The following ADCK5 variants were observed in gnomAD, a reference collection of about 807,000 sequenced individuals.
The protein encoded by ADCK5 is uncharacterized aarF domain-containing protein kinase 5.
Under a neutral mutation model 64.9 loss-of-function variants are expected in ADCK5, and 43 were observed. That is an observed-to-expected ratio of 0.66 (90% CI 0.52 to 0.85). The LOEUF (loss-of-function observed/expected upper bound fraction) is 0.85, where lower values mean the gene tolerates loss of function less well. Ranked by LOEUF, ADCK5 falls within the 40% of genes least tolerant of loss-of-function variation. The pLI is 0.00. For missense variants in ADCK5, 760 were observed against 810.5 expected, an observed-to-expected ratio of 0.94 and a Z score of 0.76; for synonymous variants, 434 against 342.8, an observed-to-expected ratio of 1.27 and a Z score of -2.94.
intron 1 of ADCK5, among the ~76,000 whole-genome samples, chr8:144,375,858 C>A (rs1819341888): frequency 6.6e-6 from 1 of 152,208 alleles, no homozygotes. Context: ...CCAGGGCCGT[C>A]TCAGGTGTGT....
At chr8:144,389,871 C>T (rs373059366) in intron 3 of ADCK5, among the ~76,000 whole-genome samples, 2 of 151,140 alleles carry the variant, frequency 1.3e-5, no homozygotes, top group African/African-American at 4.9e-5. Context: ...TCTTGTTGCC[C>T]AGGCTGGAGT....
Position 144,391,158 on chromosome 8 carries a change from T to C in ADCK5, c.568T>C (p.Phe190Leu). 1.2e-6 allele frequency: 2 copies of C among 1,611,352 alleles called. No individual in the cohort carries two copies. The highest frequency in any genetic ancestry group is 8.5e-7 in the Non-Finnish European group (1 of 1,179,916). Reference protein sequence around the residue: ...QEVDELFLEDFQALPHELFQE... With the variant: ...QEVDELFLEDLQALPHELFQE... ...GGTGGATGAGTTGTTCCTTGAGGAC[T>C]TCCAGGCCCTCCCCCACGAGCTCTT... is the stretch of plus-strand genomic sequence containing the variant. Residue 190 changes from phenylalanine to leucine, a missense_variant, in exon 6 of 15, where the codon TTC (phenylalanine) becomes CTC (leucine). Phe to Leu is a conservative substitution (Grantham distance 22). Coordinates refer to ENST00000308860, the MANE Select transcript of ADCK5 (RefSeq NM_174922.5).
intron 2 of ADCK5, among the ~76,000 whole-genome samples, chr8:144,382,282 T>C (rs1441158249): frequency 6.6e-6 from 1 of 152,258 alleles, no homozygotes; most frequent in Non-Finnish European, 1.5e-5. Flanking sequence ...CTCAGGATTA[T>C]GGGCCGGGTG....
intron 1 of ADCK5, among the ~76,000 whole-genome samples, chr8:144,375,988 C>G (rs1554857107): frequency 6.6e-6 from 1 of 152,168 alleles, no homozygotes; most frequent in East Asian, 1.9e-4. Context: ...GGATTGGGCT[C>G]TGGGAAGTCC....
chr8:144,391,867 G>A lies in ADCK5; in HGVS notation c.1014+1G>A, dbSNP rs1003920382. 1.3e-6 allele frequency: 2 copies of A among 1,550,340 alleles called. No individual in the cohort carries two copies. The highest frequency in any genetic ancestry group is 1.8e-5 in the Admixed American group (1 of 54,490). On this transcript the variant is annotated splice_donor_variant, in intron 9 of 14. Coordinates refer to ENST00000308860, the MANE Select transcript of ADCK5 (RefSeq NM_174922.5). LOFTEE classifies it high-confidence loss of function. ...GAGCCAGGGGCTGGCAGTGCATGACGTGAGTGCGGGGGGGCGGGGGCGGGT... is the reference window on the plus strand; with the variant it reads ...GAGCCAGGGGCTGGCAGTGCATGACATGAGTGCGGGGGGGCGGGGGCGGGT...
rs1446342775 is a variant in ADCK5 at position 144,392,176 on chromosome 8, C to T, written c.1175+6C>T. The stretch of plus-strand genomic sequence containing the variant: ...TACCAGTTCCTGGAGGAGAAGTGAG[C>T]GCGGGTGGGTGGGCGTGGGGCAGGG... On this transcript the variant is annotated splice_donor_region_variant and intron_variant, in intron 11 of 14. Transcript: ENST00000308860. 7 of 680,276 alleles carry T rather than the reference C, an allele frequency of 1.0e-5. No homozygotes were observed. The highest frequency in any genetic ancestry group is 6.3e-5 in the East Asian group (1 of 15,916). 42.1% of individuals were successfully genotyped at this position (680,276 alleles called of 1,614,324 possible).
At chr8:144,388,784 C>G (rs888960469) in intron 3 of ADCK5, among the ~76,000 whole-genome samples, 1 of 151,804 alleles carries the variant, frequency 6.6e-6, no homozygotes, top group African/African-American at 2.4e-5. Context: ...AAAAAGAAAC[C>G]GAAACCCTGG....
chr8:144,390,903 G>C lies in ADCK5; in HGVS notation c.390G>C (p.Ala130=). 1.2e-6 allele frequency: 2 copies of C among 1,612,858 alleles called. No individual in the cohort carries two copies. Among genetic ancestry groups the C allele is most frequent in the South Asian group, 1.1e-5 (1 of 91,078 alleles). The change falls in exon 5 of 15, where the codon GCG becomes GCC. Residue 130 remains alanine (A), a synonymous_variant. Transcript: ENST00000308860. ...TGATGTCTGCGTGTCACCAGCGGGC[G>C]GCTGATGCCCTGGTGGCAGGGGCCA... ...LEVMSACHQR[A]ADALVAGAIS...
rs955164642 is a variant in ADCK5 at position 144,383,943 on chromosome 8, A to G, written c.266+713A>G. Among the ~76,000 whole-genome samples the G allele has an allele frequency of 8.1e-5, 10 of 123,394 alleles. No individual in the cohort carries two copies. The East Asian group carries it at 2.5e-3, about 31-fold the overall frequency. 81.0% of individuals were successfully genotyped at this position (123,394 alleles called of 152,430 possible). A position where few individuals can be genotyped will look rare whatever the true frequency, so the allele number is the denominator to read the frequency against. ...AGTCTCGCTCTGTCACCCAGGCTGG[A>G]GTGCAGTGGCGCAATCTCGGCTCAC... is the stretch of plus-strand genomic sequence containing the variant. On this transcript the variant is annotated intron_variant, in intron 3 of 14. Transcript: ENST00000308860.
At position 144,386,498 on chromosome 8, in the gene ADCK5, C is replaced by A. The variant is rs1032727748; in HGVS notation, c.266+3268C>A. On this transcript the variant is annotated intron_variant, in intron 3 of 14. Transcript: ENST00000308860. The stretch of plus-strand genomic sequence containing the variant: ...TTAGCCTTCTGAGTAGCTGGAATTA[C>A]AGGTGCCCACCATCACGCCCGGCTA... 2.0e-5 allele frequency among the ~76,000 whole-genome samples: 3 copies of A among 151,962 alleles called. No individual in the cohort carries two copies. In the East Asian group the frequency reaches 5.8e-4, roughly 29 times the overall value.
intron 3 of ADCK5, among the ~76,000 whole-genome samples, chr8:144,385,020 G>A (rs1296462002): frequency 2.0e-5 from 3 of 152,158 alleles, no homozygotes; most frequent in South Asian, 2.1e-4. Context: ...AAGGAGCGCG[G>A]GTGAGGAGCA....
chr8:144,381,532 A>G (rs1554858238), intron 2 of ADCK5, among the ~76,000 whole-genome samples: 624 of 30,464 alleles, frequency 0.02, 1 homozygote, highest in Middle Eastern at 0.071. Context: ...ATTATGGGCC[A>G]GGTGTAGAAA....
rs558873265 is a variant in ADCK5, at chr8:144,392,384, G to A, written c.1267+39G>A. ...GGGATGGCTGGGGCACCACAGAAGG[G>A]AGTCGGGCGGCGCGGAACCCACTCA... On this transcript the variant is annotated intron_variant, in intron 12 of 14. Transcript: ENST00000308860. 5.0e-4 allele frequency: 744 copies of A among 1,487,832 alleles called. 2 individuals are homozygous for A. The African/African-American group carries it at 8.7e-3, about 17-fold the overall frequency. 92.2% of individuals were successfully genotyped at this position (1,487,832 alleles called of 1,614,324 possible).
chr8:144,392,875 G>A lies in ADCK5; in HGVS notation c.1620G>A (p.Lys540=). 1 of 1,601,742 alleles carries A rather than the reference G, an allele frequency of 6.2e-7. No individual in the cohort carries two copies. Among genetic ancestry groups the A allele is most frequent in the Non-Finnish European group, 8.5e-7 (1 of 1,177,054 alleles). The part of the protein sequence containing the change: ...RHAKVVWEML[K]FEVALRLETL... The stretch of plus-strand genomic sequence containing the variant: ...CCAAGGTCGTCTGGGAGATGCTCAA[G>A]TTTGAAGTGGCGCTCAGGTGAGTGG... The change falls in exon 14 of 15, where the codon AAG becomes AAA. Residue 540 remains lysine, a synonymous_variant. Coordinates refer to ENST00000308860, the MANE Select transcript of ADCK5 (RefSeq NM_174922.5).
chr8:144,389,375 C>G (rs1337956965), intron 3 of ADCK5: 1 of 456,306 alleles, frequency 2.2e-6, no homozygotes, highest in East Asian at 6.9e-5. Flanking sequence ...TGCCTCAGCC[C>G]TGCCCCCTTG....
At chr8:144,375,575 C>T (rs989372329) in intron 1 of ADCK5, 30 of 985,458 alleles carry the variant, frequency 3.0e-5, no homozygotes, top group South Asian at 4.7e-5. Flanking sequence ...CAGACACGAT[C>T]GGACATGCAT....
intron 2 of ADCK5, among the ~76,000 whole-genome samples, chr8:144,381,826 A>T (rs1188434052): frequency 1.2e-5 from 1 of 82,188 alleles, no homozygotes; most frequent in African/African-American, 4.6e-5. Context: ...ATGTGTGCTC[A>T]GGCCCCTGCT....
At chr8:144,383,744 T>G (rs929385575) in intron 3 of ADCK5, among the ~76,000 whole-genome samples, 14 of 151,934 alleles carry the variant, frequency 9.2e-5, no homozygotes, top group East Asian at 5.8e-4. Context: ...AGGGGGAGGG[T>G]GAGGACACCT....
intron 3 of ADCK5, chr8:144,389,307 C>T (rs782452493): frequency 1.3e-5 from 6 of 456,686 alleles, no homozygotes; most frequent in South Asian, 6.2e-5. Flanking sequence ...CTGGTGTCCT[C>T]CTCTCTTCCT....
Sources: gnomAD v4.1 joint callset for allele counts (sites outside exome capture counted in the v4.1 genomes callset) on GRCh38, gnomAD v4.1.1 for gene constraint, MANE v1.5 for transcripts, NCBI Gene and HGNC (gene_info 2026-07-23, HGNC 2026-07-21) for gene names.